Variants in RPTOR observed in about 807,000 individuals in gnomAD.
The protein encoded by RPTOR is regulatory-associated protein of mTOR.
A neutral mutation model predicts 169.9 loss-of-function variants in RPTOR; 21 were observed. That is an observed-to-expected ratio of 0.12 (90% CI 0.09 to 0.18). The LOEUF is 0.18. Among genes scored for constraint, RPTOR ranks in the 10% least tolerant of loss-of-function variants. The pLI, the probability that RPTOR is intolerant of heterozygous loss-of-function variation, is 1.00. For synonymous variants in RPTOR, 732 were observed against 753.2 expected, an observed-to-expected ratio of 0.97 and a Z score of 0.46; for missense variants, 1,133 against 1,855.9, an observed-to-expected ratio of 0.61 and a Z score of 7.16.
chr17:80,710,705 A>G (rs1225693194), intron 4 of RPTOR, among the ~76,000 whole-genome samples: 1 of 151,586 alleles, frequency 6.6e-6, no homozygotes, highest in Non-Finnish European at 1.5e-5. Flanking sequence ...TTCTTTTTGG[A>G]TTAACCTGTG....
intron 6 of RPTOR, among the ~76,000 whole-genome samples, chr17:80,759,442 T>C (rs2066713049): frequency 1.3e-5 from 2 of 152,232 alleles, no homozygotes; most frequent in South Asian, 4.2e-4. Context: ...GAAATCAATA[T>C]GCCACAGTGG....
chr17:80,899,103 G>C (rs1201128878), intron 20 of RPTOR, among the ~76,000 whole-genome samples: 1 of 152,156 alleles, frequency 6.6e-6, no homozygotes, highest in Non-Finnish European at 1.5e-5. Flanking sequence ...ACGCCAACTT[G>C]TTAATTTTCA....
intron 7 of RPTOR, among the ~76,000 whole-genome samples, chr17:80,796,958 C>T (rs2067107440): frequency 6.6e-6 from 1 of 152,206 alleles, no homozygotes; most frequent in Non-Finnish European, 1.5e-5. Flanking sequence ...GGTGCCCAGC[C>T]ACAGCTGCCA....
chr17:80,812,569 C>T (rs1007690915), intron 7 of RPTOR, among the ~76,000 whole-genome samples: 7 of 152,118 alleles, frequency 4.6e-5, no homozygotes, highest in Non-Finnish European at 1.0e-4. Context: ...ATCTACTCAG[C>T]GTCCCTGCTG....
Position 80,646,695 on chromosome 17 carries a change from A to G in RPTOR, c.348+2885A>G, listed in dbSNP as rs1175034373. Among the ~76,000 whole-genome samples the G allele has an allele frequency of 6.6e-6, 1 of 152,222 alleles. No homozygotes were observed. The highest frequency in any genetic ancestry group is 1.5e-5 in the Non-Finnish European group (1 of 68,040). ...GAGAGGTTGATGTGCCATCTGCAAT[A>G]AAACAATGGGGGCGTTATTAAATTT... On this transcript the variant is annotated intron_variant, in intron 3 of 33. Transcript: ENST00000306801. The surrounding 1 kb of genome is among the most constrained non-coding windows in gnomAD (Gnocchi z 5.0).
intron 3 of RPTOR, among the ~76,000 whole-genome samples, chr17:80,674,326 C>T (rs2065844696): frequency 6.6e-6 from 1 of 152,180 alleles, no homozygotes; most frequent in Non-Finnish European, 1.5e-5. Flanking sequence ...TTGTACATTT[C>T]ACCTTTCCGG....
intron 7 of RPTOR, chr17:80,802,599 A>T (rs2067172344): frequency 6.6e-6 from 1 of 152,530 alleles, no homozygotes; most frequent in East Asian, 1.9e-4. Flanking sequence ...TCTCAAAAAA[A>T]AAAAAAGAAA....
intron 13 of RPTOR, among the ~76,000 whole-genome samples, chr17:80,862,290 T>C (rs2143768532): frequency 1.3e-5 from 2 of 152,280 alleles, no homozygotes; most frequent in Middle Eastern, 3.4e-3. Context: ...CATTTTGAAG[T>C]GTTTCCGGTA....
At position 80,965,343 on chromosome 17, in the gene RPTOR, C is replaced by A; in HGVS notation, c.*1013C>A. On this transcript the variant is annotated 3_prime_UTR_variant, in exon 34 of 34. Transcript: ENST00000306801. ...ACAGGCAAGAGGCACTGCCGGGTCC[C>A]GGACGGCTCCGGGTGACACCAGCCC... The A allele has an allele frequency of 4.3e-6, 1 of 233,318 alleles. No homozygotes were observed. Among genetic ancestry groups the A allele is most frequent in the Non-Finnish European group, 8.5e-6 (1 of 118,078 alleles). 14.5% of individuals were successfully genotyped at this position (233,318 alleles called of 1,614,324 possible).
chr17:80,780,246 A>C (rs1361598193), intron 6 of RPTOR, among the ~76,000 whole-genome samples: 1 of 152,126 alleles, frequency 6.6e-6, no homozygotes, highest in Non-Finnish European at 1.5e-5. Context: ...TGACTTCCAG[A>C]ATGGTGTTCT....
chr17:80,710,413 G>A (rs907297538), intron 4 of RPTOR, among the ~76,000 whole-genome samples: 2 of 152,076 alleles, frequency 1.3e-5, no homozygotes, highest in African/African-American at 2.4e-5. Flanking sequence ...TCTTGTCCTC[G>A]CAGAGGGAGA....
intron 3 of RPTOR, among the ~76,000 whole-genome samples, chr17:80,690,280 T>A (rs1477116923): frequency 6.6e-6 from 1 of 152,040 alleles, no homozygotes; most frequent in African/African-American, 2.4e-5. Flanking sequence ...CCTGTCAATA[T>A]TTCTGAAAGA....
chr17:80,812,920 G>T (rs1042663914), intron 7 of RPTOR, among the ~76,000 whole-genome samples: 47 of 152,296 alleles, frequency 3.1e-4, no homozygotes, highest in African/African-American at 8.7e-4. Context: ...TGCACGTGAG[G>T]GTCCGCAGGC....
intron 21 of RPTOR, 51 bp downstream of exon 21, chr17:80,908,980 G>A (rs779425044): frequency 1.9e-5 from 24 of 1,285,458 alleles, no homozygotes; most frequent in Middle Eastern, 2.3e-4. Flanking sequence ...TCTCGGTTAC[G>A]AGTATGCATG....
chr17:80,936,422 A>G lies in RPTOR; in HGVS notation c.2920-4074A>G, dbSNP rs1029764879. On this transcript the variant is annotated intron_variant, in intron 24 of 33. Transcript: ENST00000306801. The surrounding 1 kb of genome is among the most constrained non-coding windows in gnomAD (Gnocchi z 4.1). ...GTGAATGTTTATAGTGACTGTATTCATAGTCACCAAAAACTGGAAACAACC... is the reference window on the plus strand; with the variant it reads ...GTGAATGTTTATAGTGACTGTATTCGTAGTCACCAAAAACTGGAAACAACC... Among the ~76,000 whole-genome samples the G allele has an allele frequency of 1.3e-5, 2 of 152,242 alleles. No homozygotes were observed. Among genetic ancestry groups the G allele is most frequent in the Non-Finnish European group, 2.9e-5 (2 of 68,040 alleles).
In RPTOR at chr17:80,754,028, A is replaced by G. The variant is rs767244769; in HGVS notation, c.673A>G (p.Asn225Asp). The G allele has an allele frequency of 3.7e-6, 6 of 1,613,802 alleles. No homozygotes were observed. Among genetic ancestry groups the G allele is most frequent in the Admixed American group, 1.7e-5 (1 of 59,996 alleles). Residue 225 changes from asparagine (N) to aspartate (D), a missense_variant, in exon 6 of 34, where the codon AAT becomes GAT. Coordinates refer to ENST00000306801, the MANE Select transcript of RPTOR (RefSeq NM_020761.3). This position sits in a 1 kb window ranked among gnomAD's most constrained non-coding sequence, Gnocchi z 4.2. The part of the protein sequence containing the change: ...QELEVAAINP[N>D]HPLAQMPLPP... ...CCTTCAGGTAGCTGCAATCAACCCA[A>G]ATCACCCTCTTGCTCAGATGCCTTT... is the stretch of plus-strand genomic sequence containing the variant.
At chr17:80,806,410 A>G (rs544135556) in intron 7 of RPTOR, among the ~76,000 whole-genome samples, 160 of 152,186 alleles carry the variant, frequency 1.1e-3, no homozygotes, top group African/African-American at 3.5e-3. Flanking sequence ...TTGAACATGT[A>G]TCTCTTTTTT....
chr17:80,660,803 T>TC (rs938950913), intron 3 of RPTOR, among the ~76,000 whole-genome samples: 6 of 151,846 alleles, frequency 4.0e-5, no homozygotes, highest in African/African-American at 1.5e-4. Context: ...AGCCCCTTGG[T>TC]CCCCCCATTC....
At position 80,953,099 on chromosome 17, in the gene RPTOR, A is replaced by C. The variant is rs2069203806; in HGVS notation, c.3370+3552A>C. Among the ~76,000 whole-genome samples the C allele has an allele frequency of 2.6e-5, 4 of 152,134 alleles. No individual in the cohort carries two copies. In the South Asian group the frequency reaches 6.2e-4, roughly 24 times the overall value. ...AGGATGGTCTCGATCTCCTGACCTC[A>C]GGTGATCCTCCCACCTTGGCCTCCC... On this transcript the variant is annotated intron_variant, in intron 28 of 33. Coordinates refer to ENST00000306801, the MANE Select transcript of RPTOR (RefSeq NM_020761.3).
Sources: gnomAD v4.1 joint callset for allele counts (sites outside exome capture counted in the v4.1 genomes callset) on GRCh38, gnomAD v4.1.1 for gene constraint, Gnocchi (gnomAD v3.1) non-coding constraint, MANE v1.5 for transcripts, NCBI Gene and HGNC (gene_info 2026-07-23, HGNC 2026-07-21) for gene names.